Variants in WDR33 observed in about 807,000 individuals in gnomAD.
WDR33 encodes pre-mRNA 3' end processing protein WDR33.
In WDR33, 47 loss-of-function variants were observed where a neutral mutation model predicts 164.9. That is an observed-to-expected ratio of 0.29 (90% CI 0.23 to 0.36). WDR33 has a LOEUF of 0.36. WDR33 is among the 10% of genes least tolerant of loss of function. The probability of loss-of-function intolerance (pLI) is 1.00; values close to 1 mark genes in which losing one functional copy is unlikely to be tolerated. For missense variants in WDR33, 1,137 were observed against 1,754.1 expected (o/e 0.65, Z 6.28); for synonymous variants, 505 against 589.0 (o/e 0.86, Z 2.06).
intron 7 of WDR33, among the ~76,000 whole-genome samples, chr2:127,757,684 G>A (rs1408131771): frequency 1.3e-5 from 2 of 151,990 alleles, no homozygotes; most frequent in Non-Finnish European, 2.9e-5. Context: ...AGAATTCTGG[G>A]GAGTGTTTTG....
rs1488485744 is a variant in WDR33, at chr2:127,798,361, C to T, written c.-24+12651G>A. On this transcript the variant is annotated intron_variant, in intron 1 of 21. Coordinates refer to ENST00000322313, the MANE Select transcript of WDR33 (RefSeq NM_018383.5). The stretch of plus-strand genomic sequence containing the variant: ...CCAGCCTAGGCAACAGGGCGAGACA[C>T]CGTCGCAAAAAAAAAAAAAAAAAAA... Among the ~76,000 whole-genome samples, 5 of 112,856 alleles carry T rather than the reference C, an allele frequency of 4.4e-5. No individual in the cohort carries two copies. The East Asian group carries it at 1.1e-3, about 26-fold the overall frequency. 74.0% of individuals were successfully genotyped at this position (112,856 alleles called of 152,430 possible). A position where few individuals can be genotyped will look rare whatever the true frequency, so the allele number is the denominator to read the frequency against.
chr2:127,790,060 C>T (rs1688792370), intron 1 of WDR33, among the ~76,000 whole-genome samples: 1 of 152,148 alleles, frequency 6.6e-6, no homozygotes, highest in Non-Finnish European at 1.5e-5. Flanking sequence ...TGGTCTCCAT[C>T]TCCTAGGCTC....
chr2:127,779,878 C>T (rs971893533), intron 1 of WDR33, among the ~76,000 whole-genome samples: 2 of 152,154 alleles, frequency 1.3e-5, no homozygotes, highest in African/African-American at 4.8e-5. Flanking sequence ...TTTTCCCAAA[C>T]TGAGATAACA....
rs1249756236 is a variant in WDR33 at position 127,711,763 on chromosome 2, TATATA to T, written c.3308+1815_3308+1819del. Among the ~76,000 whole-genome samples, 5 of 84,688 alleles carry T rather than the reference TATATA, an allele frequency of 5.9e-5. 1 individual carries two copies. Among genetic ancestry groups the T allele is most frequent in the African/African-American group, 4.6e-4 (5 of 10,754 alleles). The allele number at this position is 84,688 out of a possible 152,430, so 55.6% of individuals were successfully genotyped here. A position where few individuals can be genotyped will look rare whatever the true frequency, so the allele number is the denominator to read the frequency against. Reference sequence around the variant, plus strand: ...AACCACATATACAGATATATATATATATATATATATATATATATTTTTTTTTTGAG... The same window carrying T: ...AACCACATATACAGATATATATATATTATATATATATATTTTTTTTTTGAG... On this transcript the variant is annotated intron_variant, in intron 18 of 21. Transcript: ENST00000322313.
intron 1 of WDR33, among the ~76,000 whole-genome samples, chr2:127,784,934 A>C (rs1306223842): frequency 6.6e-6 from 1 of 152,200 alleles, no homozygotes; most frequent in African/African-American, 2.4e-5. Context: ...CAATTTCACA[A>C]TGGCAGATAC....
chr2:127,788,526 A>G (rs1295846984), intron 1 of WDR33, among the ~76,000 whole-genome samples: 1 of 84,002 alleles, frequency 1.2e-5, no homozygotes, highest in African/African-American at 5.2e-5. Context: ...GGGGGGGCTG[A>G]CCCCCCCATC....
At position 127,710,616 on chromosome 2, in the gene WDR33, A is replaced by AAGTC. The variant is rs1201589065; in HGVS notation, c.3309-761_3309-760insGACT. 6.6e-6 allele frequency among the ~76,000 whole-genome samples: 1 copy of AAGTC among 152,106 alleles called. No individual in the cohort carries two copies. On this transcript the variant is annotated intron_variant, in intron 18 of 21. Coordinates refer to ENST00000322313, the MANE Select transcript of WDR33 (RefSeq NM_018383.5). The surrounding 1 kb of genome is among the most constrained non-coding windows in gnomAD (Gnocchi z 4.4). ...TTCTCTCAGGAATTTTGGAGCCAGGAGACTACACTGACTGGGAGTATTGCT... is the reference window on the plus strand; with the variant it reads ...TTCTCTCAGGAATTTTGGAGCCAGGAAGTCGACTACACTGACTGGGAGTATTGCT...
chr2:127,789,829 G>A (rs1248349577), intron 1 of WDR33, among the ~76,000 whole-genome samples: 2 of 151,300 alleles, frequency 1.3e-5, no homozygotes, highest in African/African-American at 4.9e-5. Flanking sequence ...TCTATTACTG[G>A]TTTGCTAAAA....
Position 127,713,453 on chromosome 2 carries a change from C to G in WDR33, c.3308+130G>C, listed in dbSNP as rs956452221. The G allele has an allele frequency of 1.4e-4, 152 of 1,078,608 alleles. 1 individual carries two copies. Among genetic ancestry groups the G allele is most frequent in the South Asian group, 5.6e-4 (36 of 64,670 alleles). The allele number at this position is 1,078,608 out of a possible 1,614,324, so 66.8% of individuals were successfully genotyped here. On this transcript the variant is annotated intron_variant, in intron 18 of 21. Transcript: ENST00000322313. The surrounding 1 kb of genome is among the most constrained non-coding windows in gnomAD (Gnocchi z 6.2). ...TTTTTTAAACGTCCAAATGCAAACT[C>G]TACAGAGTGCAGGGCTGGTAATTGA... is the stretch of plus-strand genomic sequence containing the variant.
At chr2:127,753,283 A>G (rs1687425085) in intron 7 of WDR33, among the ~76,000 whole-genome samples, 1 of 152,246 alleles carries the variant, frequency 6.6e-6, no homozygotes, top group Non-Finnish European at 1.5e-5. Context: ...AATTTTTTAC[A>G]TCTAAAAACA....
At chr2:127,806,488 T>C (rs1689447138) in intron 1 of WDR33, among the ~76,000 whole-genome samples, 1 of 152,174 alleles carries the variant, frequency 6.6e-6, no homozygotes, top group Admixed American at 6.5e-5. Flanking sequence ...ATTACAGGCG[T>C]GAGCCACTGC....
Position 127,713,667 on chromosome 2 carries a change from C to G in WDR33, c.3224G>C (p.Gly1075Ala), listed in dbSNP as rs374082229. 5 of 1,614,252 alleles carry G rather than the reference C, an allele frequency of 3.1e-6. No individual in the cohort carries two copies. Among genetic ancestry groups the G allele is most frequent in the Non-Finnish European group, 4.2e-6 (5 of 1,180,040 alleles). ...DGRGAARGPP[G>A]AWEGRRPGDE... Reference sequence around the variant, plus strand: ...TCCGGGCCTGCGGCCTTCCCATGCCCCCGGAGGGCCTCGGGCTGCACCCCG... The same window carrying G: ...TCCGGGCCTGCGGCCTTCCCATGCCGCCGGAGGGCCTCGGGCTGCACCCCG... The change falls in exon 18 of 22, where the codon GGG becomes GCG. Residue 1075 changes from glycine to alanine, a missense_variant. Physicochemically the swap from Gly to Ala is moderately conservative, Grantham distance 60. This residue lies in a region of WDR33 where 867 missense variants were observed against 1,073.0 expected (regional missense o/e 0.81). Coordinates refer to ENST00000322313, the MANE Select transcript of WDR33 (RefSeq NM_018383.5). The surrounding 1 kb of genome is among the most constrained non-coding windows in gnomAD (Gnocchi z 6.2).
chr2:127,762,811 A>G (rs1342226610), intron 7 of WDR33: 1 of 1,287,692 alleles, frequency 7.8e-7, no homozygotes, highest in African/African-American at 1.5e-5. Context: ...GCATACAGAT[A>G]AGCAAGTAAG....
Position 127,713,460 on chromosome 2 carries a change from G to GA in WDR33, c.3308+122_3308+123insT. The GA allele has an allele frequency of 1.8e-6, 2 of 1,136,648 alleles. No individual in the cohort carries two copies. The highest frequency in any genetic ancestry group is 1.5e-5 in the South Asian group (1 of 67,618). The allele number at this position is 1,136,648 out of a possible 1,614,324, so 70.4% of individuals were successfully genotyped here. The stretch of plus-strand genomic sequence containing the variant: ...AACGTCCAAATGCAAACTCTACAGA[G>GA]TGCAGGGCTGGTAATTGATATAATT... On this transcript the variant is annotated intron_variant, in intron 18 of 21. Coordinates refer to ENST00000322313, the MANE Select transcript of WDR33 (RefSeq NM_018383.5). This position sits in a 1 kb window ranked among gnomAD's most constrained non-coding sequence, Gnocchi z 6.2.
intron 1 of WDR33, among the ~76,000 whole-genome samples, chr2:127,784,616 A>G (rs1001707798): frequency 6.6e-6 from 1 of 152,144 alleles, no homozygotes; most frequent in African/African-American, 2.4e-5. Flanking sequence ...CCTGGGCTCA[A>G]TCTATCTACT....
Position 127,706,157 on chromosome 2 carries a change from G to A in WDR33, c.*166C>T, listed in dbSNP as rs1011696521. 2 of 515,426 alleles carry A rather than the reference G, an allele frequency of 3.9e-6. No individual in the cohort carries two copies. Among genetic ancestry groups the A allele is most frequent in the Non-Finnish European group, 6.3e-6 (2 of 315,718 alleles). 31.9% of individuals were successfully genotyped at this position (515,426 alleles called of 1,614,324 possible). A position where few individuals can be genotyped will look rare whatever the true frequency, so the allele number is the denominator to read the frequency against. Reference sequence around the variant, plus strand: ...GGGCCAGCCAGGCTGGTAGCTGGCAGCAGTCTCTTCATCTTGAAGACCTCA... The same window carrying A: ...GGGCCAGCCAGGCTGGTAGCTGGCAACAGTCTCTTCATCTTGAAGACCTCA... On this transcript the variant is annotated 3_prime_UTR_variant, in exon 22 of 22. Coordinates refer to ENST00000322313, the MANE Select transcript of WDR33 (RefSeq NM_018383.5). This position sits in a 1 kb window ranked among gnomAD's most constrained non-coding sequence, Gnocchi z 5.1.
At position 127,714,244 on chromosome 2, in the gene WDR33, T is replaced by C. The variant is rs1686247352; in HGVS notation, c.2870-223A>G. Among the ~76,000 whole-genome samples the C allele has an allele frequency of 6.6e-6, 1 of 152,150 alleles. No homozygotes were observed. Among genetic ancestry groups the C allele is most frequent in the Admixed American group, 6.5e-5 (1 of 15,268 alleles). On this transcript the variant is annotated intron_variant, in intron 17 of 21. Coordinates refer to ENST00000322313, the MANE Select transcript of WDR33 (RefSeq NM_018383.5). This position sits in a 1 kb window ranked among gnomAD's most constrained non-coding sequence, Gnocchi z 4.3. ...TTCATCACCCACTAGCTAGGGCAAATTACTCATCTCAAATGAGATCAGCAG... is the reference window on the plus strand; with the variant it reads ...TTCATCACCCACTAGCTAGGGCAAACTACTCATCTCAAATGAGATCAGCAG...
chr2:127,794,342 A>C (rs1688949251), intron 1 of WDR33, among the ~76,000 whole-genome samples: 1 of 150,808 alleles, frequency 6.6e-6, no homozygotes, highest in Non-Finnish European at 1.5e-5. Flanking sequence ...TCTACTAAAA[A>C]TACAAAAATT....
chr2:127,778,843 T>A (rs141666947), intron 1 of WDR33, among the ~76,000 whole-genome samples: 91 of 152,266 alleles, frequency 6.0e-4, no homozygotes, highest in African/African-American at 2.1e-3. Flanking sequence ...AAATAATCTT[T>A]CACCAACCAA....
Sources: gnomAD v4.1 joint callset for allele counts (sites outside exome capture counted in the v4.1 genomes callset) on GRCh38, gnomAD v4.1.1 for gene constraint, gnomAD v4.1.1 regional missense constraint, Gnocchi (gnomAD v3.1) non-coding constraint, MANE v1.5 for transcripts, NCBI Gene and HGNC (gene_info 2026-07-23, HGNC 2026-07-21) for gene names.